Variants in TERT observed in about 807,000 individuals in gnomAD.
The protein encoded by TERT is telomerase reverse transcriptase.
TERT carries 42 observed loss-of-function variants against 104.0 expected under a neutral mutation model. The observed-to-expected ratio is 0.40, with a 90% CI of 0.32 to 0.52. TERT has a LOEUF of 0.52. TERT is among the 20% of genes least tolerant of loss of function. The pLI, the probability that TERT is intolerant of heterozygous loss-of-function variation, is 0.43. For missense variants in TERT, 1,101 were observed against 1,610.3 expected (o/e 0.68, Z 5.41); for synonymous variants, 781 against 725.6 (o/e 1.08, Z -1.23).
In TERT at chr5:1,282,590, C is replaced by A; in HGVS notation, c.1608G>T (p.Leu536=). 1 of 1,614,128 alleles carries A rather than the reference C, an allele frequency of 6.2e-7. No individual in the cohort carries two copies. Among genetic ancestry groups the A allele is most frequent in the Non-Finnish European group, 8.5e-7 (1 of 1,180,042 alleles). ...GGAACTTGGCCAGGATCTCCTCACG[C>A]AGACGGTGCTCTGCGGCCGGAACAC... ...VGCVPAAEHR[L]REEILAKFLH... The change falls in exon 3 of 16, where the codon CTG becomes CTT. Residue 536 remains leucine (L), a synonymous_variant. Transcript: ENST00000310581.
At chr5:1,289,158 AC>A (rs1750684075) in intron 2 of TERT, among the ~76,000 whole-genome samples, 1 of 150,432 alleles carries the variant, frequency 6.6e-6, no homozygotes, top group African/African-American at 2.5e-5. Context: ...TGAGAGGGAC[AC>A]CCGGGGGCCG....
At chr5:1,277,109 C>T (rs866275009) in intron 6 of TERT, among the ~76,000 whole-genome samples, 6 of 152,192 alleles carry the variant, frequency 3.9e-5, no homozygotes, top group African/African-American at 9.6e-5. Flanking sequence ...ACTGTGGGCA[C>T]GTGGGCATCA....
rs554739019 is a variant in TERT at position 1,254,498 on chromosome 5, C to A, written c.3165G>T (p.Ser1055=). 6.2e-7 allele frequency: 1 copy of A among 1,611,826 alleles called. No homozygotes were observed. Among genetic ancestry groups the A allele is most frequent in the South Asian group, 1.1e-5 (1 of 90,972 alleles). Residue 1055 remains serine (S), a synonymous_variant, in exon 15 of 16, where the codon TCG becomes TCT. Transcript: ENST00000310581. ...GGCCGGCGGCGCCCTTGGCCCCCAG[C>A]GACATCCCTGGGGGAAAACAGAGGC... ...SILKAKNAGM[S]LGAKGAAGPL... is the part of the protein sequence containing the mutation.
Position 1,255,308 on chromosome 5 carries a change from T to C in TERT, c.3136A>G (p.Ile1046Val). ...ISDTASLCYS[I>V]LKAKNAGMSL... ...ATACCTGCGTTCTTGGCTTTCAGGA[T>C]GGAGTAGCAGAGGGAGGCCGTGTCA... The change falls in exon 14 of 16, where the codon ATC becomes GTC. Residue 1046 changes from isoleucine to valine, a missense_variant. Ile to Val is a conservative substitution (Grantham distance 29, BLOSUM62 3). Around this residue, in one of 5 missense-constraint regions of TERT, gnomAD observed 463 missense variants for 797.5 expected, o/e 0.58. Coordinates refer to ENST00000310581, the MANE Select transcript of TERT (RefSeq NM_198253.3). The surrounding 1 kb of genome is among the most constrained non-coding windows in gnomAD (Gnocchi z 6.9). The C allele has an allele frequency of 6.2e-7, 1 of 1,613,958 alleles. No homozygotes were observed. Among genetic ancestry groups the C allele is most frequent in the Non-Finnish European group, 8.5e-7 (1 of 1,179,930 alleles).
At chr5:1,271,074 C>T in intron 8 of TERT, 45 bp downstream of exon 8, 3 of 1,508,028 alleles carry the variant, frequency 2.0e-6, no homozygotes, top group Non-Finnish European at 2.8e-6. Flanking sequence ...CCTGCCAGCC[C>T]GCCCAGCCAC....
intron 15 of TERT, 134 bp from the exon 16 acceptor site, chr5:1,253,965 G>A: frequency 1.0e-6 from 1 of 971,456 alleles, no homozygotes; most frequent in Non-Finnish European, 1.6e-6. Context: ...CTCAGTGAAG[G>A]GACAGACACC....
At chr5:1,276,515 C>T (rs988655288) in intron 6 of TERT, among the ~76,000 whole-genome samples, 2 of 150,684 alleles carry the variant, frequency 1.3e-5, no homozygotes, top group African/African-American at 2.4e-5. Context: ...ACAAGAAAAC[C>T]AATCCCACAG....
intron 2 of TERT, among the ~76,000 whole-genome samples, chr5:1,283,522 G>A (rs1223937820): frequency 5.1e-5 from 7 of 136,186 alleles, no homozygotes; most frequent in Non-Finnish European, 9.3e-5. Context: ...TAACCGCAGG[G>A]CCTGGCGACC....
Position 1,294,765 on chromosome 5 carries a change from G to A in TERT, c.219+6C>T. 1 of 1,544,154 alleles carries A rather than the reference G, an allele frequency of 6.5e-7. No homozygotes were observed. Among genetic ancestry groups the A allele is most frequent in the Admixed American group, 1.9e-5 (1 of 52,570 alleles). On this transcript the variant is annotated splice_donor_region_variant and intron_variant, in intron 1 of 15. Transcript: ENST00000310581. Reference sequence around the variant, plus strand: ...CCAGCCGGACGCCGACCCCGGGGAGGCCCACCTGGCGGAAGGAGGGGGCGG... The same window carrying A: ...CCAGCCGGACGCCGACCCCGGGGAGACCCACCTGGCGGAAGGAGGGGGCGG...
rs370003504 is a variant in TERT at position 1,274,897 on chromosome 5, G to A, written c.2287-2617C>T. 3.9e-5 allele frequency among the ~76,000 whole-genome samples: 6 copies of A among 152,210 alleles called. No individual in the cohort carries two copies. The highest frequency in any genetic ancestry group is 1.4e-4 in the African/African-American group (6 of 41,458). ...CAAAGCCTAAAGGAAATGGAAGGAG[G>A]CCATCGATAAACAGCAGACACCAAT... is the stretch of plus-strand genomic sequence containing the variant. On this transcript the variant is annotated intron_variant, in intron 6 of 15. Coordinates refer to ENST00000310581, the MANE Select transcript of TERT (RefSeq NM_198253.3). The surrounding 1 kb of genome is among the most constrained non-coding windows in gnomAD (Gnocchi z 5.3).
rs1341955031 is a variant in TERT at position 1,270,415 on chromosome 5, C to T, written c.2468+704G>A. 2.0e-5 allele frequency among the ~76,000 whole-genome samples: 3 copies of T among 152,218 alleles called. No homozygotes were observed. The highest frequency in any genetic ancestry group is 2.9e-5 in the Non-Finnish European group (2 of 68,044). On this transcript the variant is annotated intron_variant, in intron 8 of 15. Transcript: ENST00000310581. The surrounding 1 kb of genome is among the most constrained non-coding windows in gnomAD (Gnocchi z 8.3). ...ATTTCCTCCGTGCTACCACTCTCCCCAGGCACACACAGGGTCGCAGGCAGA... is the reference window on the plus strand; with the variant it reads ...ATTTCCTCCGTGCTACCACTCTCCCTAGGCACACACAGGGTCGCAGGCAGA...
rs1748742244 is a variant in TERT, at chr5:1,268,044, CGAT to C, written c.2582+473_2582+475del. On this transcript the variant is annotated intron_variant, in intron 9 of 15. Transcript: ENST00000310581. This position sits in a 1 kb window ranked among gnomAD's most constrained non-coding sequence, Gnocchi z 5.5. ...TGAGTTGAACCACATTAGGTTGGCACGATATTTAGGTGTGTGCGTCCTTGGGTG... is the reference window on the plus strand; with the variant it reads ...TGAGTTGAACCACATTAGGTTGGCACATTTAGGTGTGTGCGTCCTTGGGTG... 6.6e-6 allele frequency among the ~76,000 whole-genome samples: 1 copy of C among 152,040 alleles called. No homozygotes were observed. The highest frequency in any genetic ancestry group is 2.4e-5 in the African/African-American group (1 of 41,378).
chr5:1,256,646 G>A lies in TERT; in HGVS notation c.3033-1235C>T, dbSNP rs1030148989. 1.3e-5 allele frequency among the ~76,000 whole-genome samples: 2 copies of A among 152,248 alleles called. No homozygotes were observed. Among genetic ancestry groups the A allele is most frequent in the South Asian group, 2.1e-4 (1 of 4,814 alleles). On this transcript the variant is annotated intron_variant, in intron 13 of 15. Transcript: ENST00000310581. The surrounding 1 kb of genome is among the most constrained non-coding windows in gnomAD (Gnocchi z 7.0). ...ATCACACCAGTCAAGCCAGCACCCC[G>A]GTTTCAGCCTCTCAGTAACTCTGCT...
intron 15 of TERT, 85 bp from the exon 16 acceptor site, chr5:1,253,916 A>T: frequency 7.0e-7 from 1 of 1,431,100 alleles, no homozygotes; most frequent in Non-Finnish European, 9.6e-7. Flanking sequence ...GTGGCCGGGC[A>T]GGCAGGGCCT....
chr5:1,285,733 C>T (rs1188784355), intron 2 of TERT, among the ~76,000 whole-genome samples: 1 of 151,838 alleles, frequency 6.6e-6, no homozygotes, highest in Non-Finnish European at 1.5e-5. Context: ...CCACGCCCAG[C>T]TAATTTTTGT....
At chr5:1,259,883 G>T (rs1328531363) in intron 12 of TERT, among the ~76,000 whole-genome samples, 1 of 149,130 alleles carries the variant, frequency 6.7e-6, no homozygotes, top group African/African-American at 2.5e-5. Flanking sequence ...AGGAGAGAGG[G>T]AGTGGACACA....
At chr5:1,267,593 A>G (rs544269394) in intron 9 of TERT, among the ~76,000 whole-genome samples, 13 of 152,368 alleles carry the variant, frequency 8.5e-5, no homozygotes, top group African/African-American at 2.9e-4. Flanking sequence ...CCAAATGTCC[A>G]TCGATGATAG....
rs1466519227 is a variant in TERT, at chr5:1,266,132, C to T, written c.2654+332G>A. On this transcript the variant is annotated intron_variant, in intron 10 of 15. Transcript: ENST00000310581. ...GCCCTGCAGGCCCTGTGCACAGCTC[C>T]TGGGGGTCTCACTGGGGCCCCAGGA... is the stretch of plus-strand genomic sequence containing the variant. Among the ~76,000 whole-genome samples, 9 of 149,758 alleles carry T rather than the reference C, an allele frequency of 6.0e-5. 1 individual carries two copies. In the Admixed American group the frequency reaches 6.0e-4, roughly 10 times the overall value.
intron 3 of TERT, 145 bp downstream of exon 3, chr5:1,282,284 G>C (rs1750072842): frequency 3.8e-6 from 3 of 794,982 alleles, no homozygotes; most frequent in African/African-American, 3.4e-5. Flanking sequence ...AATCCACTTG[G>C]ACCAGGCCTG....
Sources: allele counts gnomAD v4.1 joint callset (sites outside exome capture counted in the v4.1 genomes callset), GRCh38; gene constraint gnomAD v4.1.1; regional missense constraint gnomAD v4.1.1; non-coding constraint Gnocchi (gnomAD v3.1); transcripts MANE v1.5; gene names NCBI Gene and HGNC (gene_info 2026-07-23, HGNC 2026-07-21).